Variants in ARHGAP42 observed in about 807,000 individuals in gnomAD.
ARHGAP42 encodes rho GTPase-activating protein 42.
Under a neutral mutation model 125.0 loss-of-function variants are expected in ARHGAP42, and 63 were observed. The ratio of observed to expected loss-of-function variants is 0.50; its 90% CI spans 0.41 to 0.62. The LOEUF is 0.62. ARHGAP42 is among the 20% of genes least tolerant of loss of function. The pLI, the probability that ARHGAP42 is intolerant of heterozygous loss-of-function variation, is 0.00. For synonymous variants in ARHGAP42, 339 were observed against 351.0 expected, an observed-to-expected ratio of 0.97 and a Z score of 0.38; for missense variants, 766 against 1,024.2, an observed-to-expected ratio of 0.75 and a Z score of 3.44.
At chr11:100,760,275 A>T (rs1432032261) in intron 1 of ARHGAP42, among the ~76,000 whole-genome samples, 3 of 152,202 alleles carry the variant, frequency 2.0e-5, no homozygotes, top group African/African-American at 7.2e-5. Context: ...AGTTAAGTTT[A>T]GATCGGTTTG....
chr11:100,725,499 C>T (rs944429295), intron 1 of ARHGAP42, among the ~76,000 whole-genome samples: 10 of 151,606 alleles, frequency 6.6e-5, no homozygotes, highest in East Asian at 4.0e-4. Flanking sequence ...TTATTCATGA[C>T]TTAAGAATTA....
rs1352937943 is a variant in ARHGAP42 at position 100,959,897 on chromosome 11, G to A, written c.1177G>A (p.Ala393Thr). Residue 393 changes from alanine to threonine, a missense_variant, in exon 13 of 24, where the codon GCA (alanine) becomes ACA (threonine). Transcript: ENST00000298815. ...CTTATTTTCAGTGTATTTGAATGAA[G>A]CAGGGTTCAACTTTGTGAGAAAATG... ...SKKEEMYLNEAGFNFVRKCIQ... is the reference protein window; with the variant it reads ...SKKEEMYLNETGFNFVRKCIQ... 6 of 1,551,402 alleles carry A rather than the reference G, an allele frequency of 3.9e-6. No individual in the cohort carries two copies. The highest frequency in any genetic ancestry group is 5.2e-6 in the Non-Finnish European group (6 of 1,146,556).
intron 1 of ARHGAP42, among the ~76,000 whole-genome samples, chr11:100,742,062 A>G (rs1591142461): frequency 1.3e-5 from 2 of 152,146 alleles, no homozygotes; most frequent in Non-Finnish European, 2.9e-5. Flanking sequence ...CGTTTCCCCA[A>G]ACTAGTTTCT....
intron 7 of ARHGAP42, among the ~76,000 whole-genome samples, chr11:100,934,821 G>A (rs889543123): frequency 6.6e-6 from 1 of 152,076 alleles, no homozygotes; most frequent in Non-Finnish European, 1.5e-5. Flanking sequence ...TATGTAAGGG[G>A]ATTTATTCCC....
intron 3 of ARHGAP42, among the ~76,000 whole-genome samples, chr11:100,837,611 AG>A: frequency 6.9e-6 from 1 of 145,146 alleles, no homozygotes; most frequent in East Asian, 2.1e-4. Context: ...TTTTATAACA[AG>A]GGGAGAGGTT....
chr11:100,815,587 G>A (rs1339021577), intron 3 of ARHGAP42, among the ~76,000 whole-genome samples: 1 of 152,156 alleles, frequency 6.6e-6, no homozygotes, highest in East Asian at 1.9e-4. Context: ...GAGTTAATGA[G>A]TCCAATTAGA....
At position 100,737,843 on chromosome 11, in the gene ARHGAP42, C is replaced by T. The variant is rs898648472; in HGVS notation, c.155-32500C>T. 1.9e-4 allele frequency among the ~76,000 whole-genome samples: 29 copies of T among 152,218 alleles called. 2 individuals carry two copies. The highest frequency in any genetic ancestry group is 6.8e-4 in the African/African-American group (28 of 41,458). ...TGGGAGAGGACTTAAAAGGGGCCTA[C>T]ATCTCACATTAGTGTTTTTAGTTGC... On this transcript the variant is annotated intron_variant, in intron 1 of 23. Transcript: ENST00000298815.
chr11:100,974,681 A>G, intron 19 of ARHGAP42, 78 bp downstream of exon 19: 1 of 1,360,128 alleles, frequency 7.4e-7, no homozygotes, highest in Non-Finnish European at 9.8e-7. Context: ...GTAATTAGGT[A>G]GAAATAGAAG....
At chr11:100,741,273 C>T (rs777840743) in intron 1 of ARHGAP42, among the ~76,000 whole-genome samples, 3 of 152,248 alleles carry the variant, frequency 2.0e-5, no homozygotes, top group Non-Finnish European at 4.4e-5. Flanking sequence ...TCAAGTGATC[C>T]ACCCACCTCG....
chr11:100,890,365 G>C (rs1866188967), intron 4 of ARHGAP42, among the ~76,000 whole-genome samples: 1 of 152,066 alleles, frequency 6.6e-6, no homozygotes, highest in Non-Finnish European at 1.5e-5. Flanking sequence ...ATGGCTTTCT[G>C]TATTATCCTA....
intron 2 of ARHGAP42, among the ~76,000 whole-genome samples, chr11:100,777,044 G>A (rs987723530): frequency 8.6e-5 from 13 of 151,754 alleles, no homozygotes; most frequent in Non-Finnish European, 1.5e-5. Flanking sequence ...CTGTTTTATG[G>A]AAATGCTTGT....
chr11:100,978,688 G>A (rs1858454546), intron 21 of ARHGAP42, among the ~76,000 whole-genome samples: 1 of 152,176 alleles, frequency 6.6e-6, no homozygotes, highest in South Asian at 2.1e-4. Context: ...TGGGAGCAGA[G>A]TAGAGAGAAA....
intron 1 of ARHGAP42, among the ~76,000 whole-genome samples, chr11:100,750,472 G>C (rs758592967): frequency 1.3e-5 from 2 of 148,650 alleles, no homozygotes; most frequent in Non-Finnish European, 3.0e-5. Context: ...AATGAGTCAG[G>C]GCAGAGCAGA....
At chr11:100,803,150 G>A (rs78085119) in intron 3 of ARHGAP42, among the ~76,000 whole-genome samples, 4,454 of 152,018 alleles carry the variant, frequency 0.029, 120 homozygotes, top group African/African-American at 0.073. Flanking sequence ...CAAGGCAGGA[G>A]GATGGCTTTG....
chr11:100,822,603 T>C (rs1178991219), intron 3 of ARHGAP42, among the ~76,000 whole-genome samples: 11 of 152,274 alleles, frequency 7.2e-5, no homozygotes, highest in Non-Finnish European at 2.9e-5. Context: ...TTCTACACTG[T>C]TTGTAGACTA....
rs555721426 is a variant in ARHGAP42 at position 100,820,952 on chromosome 11, G to T, written c.312+25786G>T. Among the ~76,000 whole-genome samples the T allele has an allele frequency of 1.4e-3, 133 of 98,158 alleles. 1 individual carries two copies. The highest frequency in any genetic ancestry group is 0.013 in the South Asian group (52 of 3,894). 64.4% of individuals were successfully genotyped at this position (98,158 alleles called of 152,430 possible). ...AATTAACTGTGGGTCATCTTTTTTT[G>T]TTTGTTTGTTTGTTTGTTTTTGTTT... On this transcript the variant is annotated intron_variant, in intron 3 of 23. Transcript: ENST00000298815.
intron 6 of ARHGAP42, among the ~76,000 whole-genome samples, chr11:100,927,878 A>T (rs1221351888): frequency 1.3e-5 from 2 of 152,114 alleles, no homozygotes; most frequent in Non-Finnish European, 2.9e-5. Context: ...CTGTCCTCCC[A>T]TTTTAAAAGT....
At chr11:100,854,117 T>C (rs535525179) in intron 3 of ARHGAP42, among the ~76,000 whole-genome samples, 43 of 152,262 alleles carry the variant, frequency 2.8e-4, no homozygotes, top group African/African-American at 9.6e-4. Context: ...CGATCAAGAT[T>C]GCATAGTTGT....
intron 1 of ARHGAP42, among the ~76,000 whole-genome samples, chr11:100,741,493 T>C (rs1862185940): frequency 6.6e-6 from 1 of 152,210 alleles, no homozygotes. Context: ...CTGTCTGCTG[T>C]GTTACCGACC....
Sources: gnomAD v4.1 joint callset for allele counts (sites outside exome capture counted in the v4.1 genomes callset) on GRCh38, gnomAD v4.1.1 for gene constraint, MANE v1.5 for transcripts, NCBI Gene and HGNC (gene_info 2026-07-23, HGNC 2026-07-21) for gene names.